HYDIN: variants seen among roughly 807,000 people sequenced by gnomAD.
HYDIN encodes axonemal central pair apparatus protein HYDIN.
In HYDIN, 132 loss-of-function variants were observed where a neutral mutation model predicts 403.9. That is an observed-to-expected ratio of 0.33 (90% CI 0.28 to 0.38). The LOEUF (loss-of-function observed/expected upper bound fraction) is 0.38. HYDIN is among the 10% of genes least tolerant of loss of function. The pLI is 1.00. For synonymous variants in HYDIN, 1,202 were observed against 1,891.7 expected, an observed-to-expected ratio of 0.64 and a Z score of 9.46; for missense variants, 2,827 against 5,009.5, an observed-to-expected ratio of 0.56 and a Z score of 13.15.
chr16:71,130,488 T>G (rs1171416948), intron 8 of HYDIN, among the ~76,000 whole-genome samples: 1 of 140,358 alleles, frequency 7.1e-6, no homozygotes, highest in Admixed American at 7.1e-5. Context: ...TTTTTTTTTT[T>G]TTTTTTTTTT....
intron 18 of HYDIN, among the ~76,000 whole-genome samples, chr16:71,043,227 CTT>C (rs1402953127): frequency 6.7e-6 from 1 of 148,378 alleles, no homozygotes; most frequent in Non-Finnish European, 1.5e-5. Context: ...GCAGCCTTCT[CTT>C]TGTGTCCAGT....
intron 18 of HYDIN, 113 bp downstream of exon 18, chr16:71,060,391 A>G: frequency 3.1e-6 from 2 of 652,086 alleles, no homozygotes; most frequent in Non-Finnish European, 5.5e-6. Flanking sequence ...GTTTAATACA[A>G]CAACATAACC....
At chr16:71,185,206 G>C (rs1177840712) in intron 2 of HYDIN, among the ~76,000 whole-genome samples, 9 of 152,104 alleles carry the variant, frequency 5.9e-5, no homozygotes, top group Non-Finnish European at 1.3e-4. Context: ...AAAATGACAT[G>C]TGTTTGCTGT....
chr16:71,152,284 AC>A (rs2085567655), intron 7 of HYDIN, among the ~76,000 whole-genome samples: 1 of 151,834 alleles, frequency 6.6e-6, no homozygotes. Context: ...AGCCAAAATA[AC>A]CATTTCCTAT....
In HYDIN at chr16:71,068,836, A is replaced by G. The variant is rs1279761030; in HGVS notation, c.1974+431T>C. Among the ~76,000 whole-genome samples, 3 of 152,242 alleles carry G rather than the reference A, an allele frequency of 2.0e-5. No individual in the cohort carries two copies. In the East Asian group the frequency reaches 5.8e-4, roughly 29 times the overall value. On this transcript the variant is annotated intron_variant, in intron 14 of 85. Transcript: ENST00000393567. The stretch of plus-strand genomic sequence containing the variant: ...CACATCCACCATGAATGAAGCCTGG[A>G]TTCGGATTACAAAGCTGAATAAACC...
intron 7 of HYDIN, among the ~76,000 whole-genome samples, chr16:71,145,276 G>A (rs575979366): frequency 4.0e-5 from 6 of 148,826 alleles, no homozygotes; most frequent in African/African-American, 1.5e-4. Context: ...TTTTTTTTGA[G>A]ATGGAGTCTA....
chr16:70,931,221 T>C (rs1420810352), intron 45 of HYDIN, among the ~76,000 whole-genome samples: 2 of 122,656 alleles, frequency 1.6e-5, no homozygotes, highest in South Asian at 2.6e-4. Context: ...TTTTTTTTTT[T>C]TTTTTTTTTT....
At chr16:71,055,737 G>A (rs955814342) in intron 18 of HYDIN, among the ~76,000 whole-genome samples, 40 of 151,876 alleles carry the variant, frequency 2.6e-4, no homozygotes, top group African/African-American at 9.7e-4. Context: ...TGCAGATCAC[G>A]GAGGCAGAAG....
At chr16:71,207,552 A>G (rs576896567) in intron 1 of HYDIN, among the ~76,000 whole-genome samples, 2 of 152,316 alleles carry the variant, frequency 1.3e-5, no homozygotes, top group Admixed American at 1.3e-4. Context: ...ATGATAACAG[A>G]ATCAAATCCA....
At chr16:71,226,256 T>C (rs2041027863) in intron 1 of HYDIN, among the ~76,000 whole-genome samples, 1 of 152,250 alleles carries the variant, frequency 6.6e-6, no homozygotes, top group Non-Finnish European at 1.5e-5. Context: ...TGGAATATTC[T>C]GTTACATTGA....
rs750137534 is a variant in HYDIN, at chr16:70,921,065, G to A, written c.7311C>T (p.Asp2437=). ...AGTTGTCCCCTTCACTGTCCTCTTG[G>A]TCCTGGACAAGAGGAAGCCCATGCA... ...VSMHGLPLVQ[D]QEDSEGDNSK... Residue 2437 remains aspartate, a synonymous_variant, in exon 46 of 86, where the codon GAC becomes GAT. Transcript: ENST00000393567. 6.2e-7 allele frequency: 1 copy of A among 1,607,064 alleles called. No homozygotes were observed. Among genetic ancestry groups the A allele is most frequent in the Non-Finnish European group, 8.5e-7 (1 of 1,174,760 alleles).
intron 55 of HYDIN, among the ~76,000 whole-genome samples, chr16:70,892,968 C>T (rs1176952265): frequency 6.6e-6 from 1 of 152,104 alleles, no homozygotes; most frequent in Non-Finnish European, 1.5e-5. Context: ...GGGAGGGAAG[C>T]CCATGGCCTA....
At chr16:71,227,787 A>T (rs888091471) in intron 1 of HYDIN, among the ~76,000 whole-genome samples, 1 of 152,180 alleles carries the variant, frequency 6.6e-6, no homozygotes, top group African/African-American at 2.4e-5. Context: ...CAATGACTTT[A>T]TTCACAGAAT....
At chr16:71,205,344 G>A (rs555898130) in intron 1 of HYDIN, among the ~76,000 whole-genome samples, 3 of 152,298 alleles carry the variant, frequency 2.0e-5, no homozygotes, top group South Asian at 4.1e-4. Context: ...TCTCCAACAC[G>A]GGAAAGGGGA....
chr16:71,116,511 G>C (rs1597813746), intron 9 of HYDIN, among the ~76,000 whole-genome samples: 1 of 151,902 alleles, frequency 6.6e-6, no homozygotes, highest in Non-Finnish European at 1.5e-5. Context: ...AGCTCTCTTC[G>C]AGATCCTGAT....
intron 23 of HYDIN, among the ~76,000 whole-genome samples, chr16:71,014,260 GTC>G (rs1567993662): frequency 8.3e-6 from 1 of 120,770 alleles, no homozygotes; most frequent in Non-Finnish European, 1.6e-5. Context: ...GGAATATCAG[GTC>G]TCTCACACAC....
intron 23 of HYDIN, among the ~76,000 whole-genome samples, chr16:70,999,800 T>C (rs1212757451): frequency 9.2e-5 from 14 of 151,834 alleles, no homozygotes; most frequent in African/African-American, 3.1e-4. Flanking sequence ...CAAGACACCA[T>C]TGACCTTGCC....
Position 70,806,982 on chromosome 16 carries a change from A to T in HYDIN, c.*598T>A, listed in dbSNP as rs1468189968. 6.6e-6 allele frequency among the ~76,000 whole-genome samples: 1 copy of T among 152,134 alleles called. No homozygotes were observed. Among genetic ancestry groups the T allele is most frequent in the African/African-American group, 2.4e-5 (1 of 41,412 alleles). On this transcript the variant is annotated 3_prime_UTR_variant, in exon 86 of 86. Transcript: ENST00000393567. ...CTATTAGCCTTTCTCCAGGGCCTAG[A>T]CTTCAGTGAGAACTTTCTGTGTAGG...
intron 1 of HYDIN, among the ~76,000 whole-genome samples, chr16:71,219,451 T>C (rs1308147926): frequency 3.9e-5 from 6 of 152,152 alleles, no homozygotes; most frequent in African/African-American, 7.2e-5. Flanking sequence ...TTTAAGAATA[T>C]AGGATTTAGT....
Sources: allele counts gnomAD v4.1 joint callset (sites outside exome capture counted in the v4.1 genomes callset), GRCh38; gene constraint gnomAD v4.1.1; transcripts MANE v1.5; gene names NCBI Gene and HGNC (gene_info 2026-07-23, HGNC 2026-07-21).